Variants in ENTREP2 observed in about 807,000 individuals in gnomAD.
ENTREP2 encodes the protein endosomal transmembrane epsin interactor 2.
At chr15:29,231,745 G>A in the ENTREP2 span, among the ~76,000 whole-genome samples, 1 of 151,860 alleles carries the variant, frequency 6.6e-6, no homozygotes, top group African/African-American at 2.4e-5. Context: ...TTCTTAGTTT[G>A]CAAATTAATT....
At chr15:29,157,312 G>C in the ENTREP2 span, among the ~76,000 whole-genome samples, 1 of 152,120 alleles carries the variant, frequency 6.6e-6, no homozygotes, top group Non-Finnish European at 1.5e-5. Context: ...GTATCTGCGG[G>C]CCCCTGTGTG....
the ENTREP2 span, among the ~76,000 whole-genome samples, chr15:29,590,179 G>C: frequency 6.6e-6 from 1 of 152,128 alleles, no homozygotes; most frequent in Non-Finnish European, 1.5e-5. Context: ...GAGCCATCTG[G>C]TTCCCTGAGT....
the ENTREP2 span, among the ~76,000 whole-genome samples, chr15:29,262,444 G>A: frequency 4.4e-4 from 67 of 152,300 alleles, no homozygotes; most frequent in Middle Eastern, 3.4e-3. Context: ...GCTCGTGTGC[G>A]TTTTTGTCCA....
the ENTREP2 span, among the ~76,000 whole-genome samples, chr15:29,505,763 A>G: frequency 2.1e-4 from 32 of 152,234 alleles, no homozygotes; most frequent in African/African-American, 7.0e-4. The surrounding 1 kb of genome is among the most constrained non-coding windows in gnomAD (Gnocchi z 4.3). Context: ...AGGGTCACCA[A>G]CAGCAAAGAC....
the ENTREP2 span, among the ~76,000 whole-genome samples, chr15:29,236,459 A>G: frequency 6.6e-5 from 10 of 152,220 alleles, no homozygotes; most frequent in South Asian, 1.9e-3. Flanking sequence ...CAGCCTGGGC[A>G]ACATAGTGAG....
chr15:29,117,918 T>TA, the ENTREP2 span: 14 of 107,248 alleles, frequency 1.3e-4, no homozygotes, highest in African/African-American at 4.6e-4. Flanking sequence ...GCCCCCTCTT[T>TA]AAAATCGATC....
the ENTREP2 span, among the ~76,000 whole-genome samples, chr15:29,360,983 C>T: frequency 6.6e-5 from 10 of 152,330 alleles, no homozygotes; most frequent in Admixed American, 2.0e-4. Flanking sequence ...GGCTCCACCA[C>T]GGCTGTCCCT....
the ENTREP2 span, among the ~76,000 whole-genome samples, chr15:29,444,170 CAAAGAAAGAAAGAA>C: frequency 1.4e-5 from 1 of 71,486 alleles, no homozygotes; most frequent in Non-Finnish European, 3.2e-5. Flanking sequence ...GAAAGACAGA[CAAAGAAAGAAAGAA>C]AGAAAGAAAG....
the ENTREP2 span, among the ~76,000 whole-genome samples, chr15:29,402,908 T>G: frequency 1.3e-5 from 2 of 152,160 alleles, no homozygotes; most frequent in African/African-American, 4.8e-5. Flanking sequence ...GCATAACCCA[T>G]GCCAGTGGGT....
At chr15:29,451,257 G>A in the ENTREP2 span, among the ~76,000 whole-genome samples, 5 of 152,134 alleles carry the variant, frequency 3.3e-5, no homozygotes, top group Admixed American at 6.5e-5. Context: ...TGATGATGGG[G>A]GGTGGCAGCT....
chr15:29,417,921 T>C, the ENTREP2 span, among the ~76,000 whole-genome samples: 1 of 152,212 alleles, frequency 6.6e-6, no homozygotes, highest in African/African-American at 2.4e-5. Context: ...TCAGTAGAGC[T>C]ACATTCCACA....
chr15:29,641,559 C>T, the ENTREP2 span, among the ~76,000 whole-genome samples: 211 of 152,148 alleles, frequency 1.4e-3, 1 homozygote, highest in South Asian at 0.022. Flanking sequence ...AGGCTGGGCA[C>T]GGTGGCTCAC....
chr15:29,188,457 T>C, the ENTREP2 span, among the ~76,000 whole-genome samples: 7 of 152,104 alleles, frequency 4.6e-5, no homozygotes, highest in African/African-American at 1.7e-4. Flanking sequence ...TTCCCCTCTG[T>C]GTCCATGTGT....
chr15:29,443,409 G>A, the ENTREP2 span, among the ~76,000 whole-genome samples: 3 of 152,194 alleles, frequency 2.0e-5, no homozygotes, highest in Non-Finnish European at 4.4e-5. Flanking sequence ...CCAGGGAAGA[G>A]GCCCTACCTT....
the ENTREP2 span, chr15:29,269,609 C>G: frequency 1.2e-5 from 18 of 1,562,808 alleles, no homozygotes; most frequent in South Asian, 1.8e-4. Context: ...GCGTCTTCCC[C>G]GGCCCGCGAA....
chr15:29,389,691 G>C, the ENTREP2 span, among the ~76,000 whole-genome samples: 1 of 152,216 alleles, frequency 6.6e-6, no homozygotes, highest in East Asian at 1.9e-4. Context: ...CAGCCACAGT[G>C]CTATGGTGGA....
the ENTREP2 span, among the ~76,000 whole-genome samples, chr15:29,397,852 C>T: frequency 6.6e-6 from 1 of 152,094 alleles, no homozygotes; most frequent in Non-Finnish European, 1.5e-5. Context: ...GTCAGTGTAA[C>T]AATCACAAAC....
At chr15:29,472,390 T>C in the ENTREP2 span, among the ~76,000 whole-genome samples, 3 of 151,582 alleles carry the variant, frequency 2.0e-5, no homozygotes, top group African/African-American at 7.3e-5. Flanking sequence ...GGCTTCAGTG[T>C]GTTAATATTA....
At chr15:29,174,171 T>C in the ENTREP2 span, among the ~76,000 whole-genome samples, 1 of 152,244 alleles carries the variant, frequency 6.6e-6, no homozygotes, top group Admixed American at 6.5e-5. Flanking sequence ...ACTCTTGATT[T>C]TGGGGACATG....
Sources: gnomAD v4.1 joint callset for allele counts (sites outside exome capture counted in the v4.1 genomes callset) on GRCh38, gnomAD v4.1.1 for gene constraint, Gnocchi (gnomAD v3.1) non-coding constraint, MANE v1.5 for transcripts, NCBI Gene and HGNC (gene_info 2026-07-23, HGNC 2026-07-21) for gene names.